Variants in BCL2L13 observed in about 807,000 individuals in gnomAD.
BCL2L13 encodes bcl-2-like protein 13.
In BCL2L13, 13 loss-of-function variants were observed where a neutral mutation model predicts 25.8. The observed-to-expected ratio is 0.50, with a 90% CI of 0.33 to 0.80. BCL2L13 has a LOEUF of 0.80. BCL2L13 is among the 30% of genes least tolerant of loss of function. The pLI, the probability that BCL2L13 is intolerant of heterozygous loss-of-function variation, is 0.02. For synonymous variants in BCL2L13, 244 were observed against 230.3 expected, an observed-to-expected ratio of 1.06 and a Z score of -0.54; for missense variants, 504 against 574.9, an observed-to-expected ratio of 0.88 and a Z score of 1.26.
chr22:17,701,902 C>T (rs892917195), intron 5 of BCL2L13, among the ~76,000 whole-genome samples: 49 of 128,784 alleles, frequency 3.8e-4, no homozygotes, highest in African/African-American at 1.3e-3. Flanking sequence ...GATGAAAGAG[C>T]GAGACTCCAT....
intron 1 of BCL2L13, among the ~76,000 whole-genome samples, chr22:17,633,410 A>G (rs1005055224): frequency 6.6e-6 from 1 of 152,192 alleles, no homozygotes; most frequent in African/African-American, 2.4e-5. Context: ...TTCCAAATGT[A>G]ATTTTCTCCT....
At chr22:17,692,446 T>G (rs564343476) in intron 4 of BCL2L13, 1 of 152,252 alleles carries the variant, frequency 6.6e-6, no homozygotes, top group East Asian at 1.9e-4. Context: ...GGAAAGGAAG[T>G]GAGGGGACTG....
intron 6 of BCL2L13, among the ~76,000 whole-genome samples, chr22:17,713,400 G>A (rs1041981982): frequency 6.6e-6 from 1 of 151,070 alleles, no homozygotes; most frequent in Non-Finnish European, 1.5e-5. Flanking sequence ...AGAATATAGA[G>A]CCCATCAATT....
intron 5 of BCL2L13, among the ~76,000 whole-genome samples, chr22:17,700,057 T>C (rs1010191109): frequency 6.6e-6 from 1 of 152,100 alleles, no homozygotes. Flanking sequence ...ACATAGCATG[T>C]ACCACCAAGA....
chr22:17,728,089 C>T lies in BCL2L13; in HGVS notation c.*555C>T, dbSNP rs1420799322. 1 of 157,252 alleles carries T rather than the reference C, an allele frequency of 6.4e-6. No homozygotes were observed. The highest frequency in any genetic ancestry group is 2.4e-5 in the African/African-American group (1 of 40,980). The allele number at this position is 157,252 out of a possible 1,614,324, so 9.7% of individuals were successfully genotyped here. On this transcript the variant is annotated 3_prime_UTR_variant, in exon 7 of 7. Transcript: ENST00000317582. The stretch of plus-strand genomic sequence containing the variant: ...TTAATCCCCTTAGAATTTCATCTTT[C>T]TCGATGAGCAGGCTCTGCACCCACT...
intron 3 of BCL2L13, among the ~76,000 whole-genome samples, chr22:17,687,662 G>T (rs866308214): frequency 1.1e-4 from 17 of 151,458 alleles, no homozygotes; most frequent in African/African-American, 3.9e-4. Context: ...GATTACAGGC[G>T]CCCGCCACCA....
At chr22:17,690,241 G>A (rs5992091) in intron 4 of BCL2L13, among the ~76,000 whole-genome samples, 17,586 of 151,284 alleles carry the variant, frequency 0.12, 1,226 homozygotes, top group African/African-American at 0.18. Context: ...CAGGAGTATC[G>A]CTTGAACCCA....
chr22:17,658,102 G>A (rs2058944365), intron 2 of BCL2L13, among the ~76,000 whole-genome samples: 1 of 151,876 alleles, frequency 6.6e-6, no homozygotes, highest in African/African-American at 2.4e-5. Flanking sequence ...TTACGGGCAT[G>A]AGCCACCACG....
chr22:17,641,136 C>T (rs1282336978), intron 1 of BCL2L13, among the ~76,000 whole-genome samples: 3 of 152,128 alleles, frequency 2.0e-5, no homozygotes, highest in Admixed American at 1.3e-4. Context: ...GCGATCTGCC[C>T]GCCTCGGCCT....
chr22:17,675,294 TAATCC>T (rs2059546743), intron 2 of BCL2L13, among the ~76,000 whole-genome samples: 1 of 152,178 alleles, frequency 6.6e-6, no homozygotes, highest in African/African-American at 2.4e-5. Context: ...CTCACTCCTG[TAATCC>T]CAGCACTTTG....
chr22:17,694,271 A>T (rs1046927473), intron 4 of BCL2L13, among the ~76,000 whole-genome samples: 2 of 152,154 alleles, frequency 1.3e-5, no homozygotes, highest in African/African-American at 4.8e-5. Context: ...CACTCAACAA[A>T]TGAGTGAGTG....
upstream of BCL2L13, among the ~76,000 whole-genome samples, chr22:17,635,224 C>CA (rs11414678): frequency 0.26 from 37,881 of 145,304 alleles, 5,224 homozygotes; most frequent in African/African-American, 0.32. Flanking sequence ...GCTATCTCTA[C>CA]AAAAAAAAAA....
At chr22:17,654,571 C>T (rs938144263) in intron 1 of BCL2L13, among the ~76,000 whole-genome samples, 5 of 152,008 alleles carry the variant, frequency 3.3e-5, no homozygotes, top group Admixed American at 6.6e-5. Flanking sequence ...TACAGGTGCC[C>T]GCCATCACGC....
At chr22:17,680,401 C>T (rs1292833667) in intron 2 of BCL2L13, among the ~76,000 whole-genome samples, 1 of 148,900 alleles carries the variant, frequency 6.7e-6, no homozygotes, top group Non-Finnish European at 1.5e-5. Flanking sequence ...CCCAGCTACT[C>T]GGGAGGTTGA....
intron 2 of BCL2L13, among the ~76,000 whole-genome samples, chr22:17,670,726 T>A (rs954084426): frequency 9.2e-5 from 14 of 152,320 alleles, no homozygotes; most frequent in Middle Eastern, 3.4e-3. Flanking sequence ...TAATATATTA[T>A]TTCCAGAGAT....
At chr22:17,705,542 C>T (rs1405193424) in intron 6 of BCL2L13, among the ~76,000 whole-genome samples, 3 of 151,898 alleles carry the variant, frequency 2.0e-5, no homozygotes, top group Non-Finnish European at 4.4e-5. Flanking sequence ...CGTGATCCAC[C>T]CGCCTCAGCC....
chr22:17,672,006 GC>G (rs1469278821), intron 2 of BCL2L13, among the ~76,000 whole-genome samples: 1 of 152,226 alleles, frequency 6.6e-6, no homozygotes, highest in Non-Finnish European at 1.5e-5. Context: ...GAGCCACTGT[GC>G]CCGGCCAACA....
intron 2 of BCL2L13, among the ~76,000 whole-genome samples, chr22:17,676,352 A>G (rs943727159): frequency 6.6e-6 from 1 of 152,052 alleles, no homozygotes; most frequent in Non-Finnish European, 1.5e-5. Flanking sequence ...ACTCCCAGCT[A>G]CTTGGGAGGC....
At chr22:17,657,828 T>C (rs2058929758) in intron 2 of BCL2L13, among the ~76,000 whole-genome samples, 2 of 93,410 alleles carry the variant, frequency 2.1e-5, no homozygotes, top group Non-Finnish European at 4.2e-5. Context: ...CATTTCTTTT[T>C]TTTTTTTTTT....
Sources: allele counts gnomAD v4.1 joint callset (sites outside exome capture counted in the v4.1 genomes callset), GRCh38; gene constraint gnomAD v4.1.1; transcripts MANE v1.5; gene names NCBI Gene and HGNC (gene_info 2026-07-23, HGNC 2026-07-21).